TMEM232: variants seen among roughly 807,000 people sequenced by gnomAD.
TMEM232 encodes transmembrane protein 232.
TMEM232 carries 80 observed loss-of-function variants against 78.8 expected under a neutral mutation model. That is an observed-to-expected ratio of 1.01 (90% CI 0.85 to 1.22). TMEM232 has a LOEUF of 1.22. Among genes scored for constraint, TMEM232 ranks in the 50% most tolerant of loss-of-function variants. The pLI is 0.00. For missense variants in TMEM232, 881 were observed against 742.2 expected (o/e 1.19, Z -2.17); for synonymous variants, 297 against 254.3 (o/e 1.17, Z -1.60).
Position 110,640,902 on chromosome 5 carries a change from T to A in TMEM232, c.332A>T (p.Glu111Val), listed in dbSNP as rs1786591431. 1 of 1,530,038 alleles carries A rather than the reference T, an allele frequency of 6.5e-7. No individual in the cohort carries two copies. Among genetic ancestry groups the A allele is most frequent in the Non-Finnish European group, 8.8e-7 (1 of 1,135,730 alleles). The allele number at this position is 1,530,038 out of a possible 1,614,324, so 94.8% of individuals were successfully genotyped here. A position where few individuals can be genotyped will look rare whatever the true frequency, so the allele number is the denominator to read the frequency against. ...TTTAAAGTACGTACCATCTTGGATT[T>A]CCCCTTTGCATTGAGCCAGATATAT... ...EVIYLAQCKG[E>V]IQDESLNMLY... Residue 111 changes from glutamate to valine, a missense_variant, in exon 4 of 14, where the codon GAA becomes GTA. Transcript: ENST00000455884.
intron 11 of TMEM232, among the ~76,000 whole-genome samples, chr5:110,560,519 T>G (rs76828397): frequency 6.6e-6 from 1 of 152,004 alleles, no homozygotes; most frequent in Non-Finnish European, 1.5e-5. Flanking sequence ...ATTTGAGCAA[T>G]AGCAACAAAA....
intron 1 of TMEM232, among the ~76,000 whole-genome samples, chr5:110,697,179 C>G (rs889316038): frequency 3.9e-5 from 6 of 152,010 alleles, no homozygotes; most frequent in Admixed American, 1.3e-4. Flanking sequence ...ACAAACCTGA[C>G]AAAAACAAGA....
intron 1 of TMEM232, among the ~76,000 whole-genome samples, chr5:110,708,394 T>C (rs1361786968): frequency 6.6e-6 from 1 of 152,168 alleles, no homozygotes; most frequent in South Asian, 2.1e-4. Context: ...AGAAATCATG[T>C]GAAGGCACAA....
At chr5:110,453,959 A>G (rs1760599336) in intron 12 of TMEM232, among the ~76,000 whole-genome samples, 1 of 152,236 alleles carries the variant, frequency 6.6e-6, no homozygotes, top group South Asian at 2.1e-4. Flanking sequence ...CTAAGAAAAG[A>G]AAAACATTCT....
chr5:110,695,277 A>G (rs867772077), intron 1 of TMEM232, among the ~76,000 whole-genome samples: 22 of 152,352 alleles, frequency 1.4e-4, no homozygotes, highest in Middle Eastern at 3.4e-3. Context: ...ACAACATACC[A>G]GAATCTCTGG....
intron 10 of TMEM232, among the ~76,000 whole-genome samples, chr5:110,596,665 C>T (rs909872605): frequency 7.2e-5 from 11 of 152,126 alleles, no homozygotes; most frequent in Non-Finnish European, 1.6e-4. Context: ...GCTTATCCAC[C>T]ATGATCAAGT....
chr5:110,541,329 ATT>A (rs1773084708), intron 11 of TMEM232, among the ~76,000 whole-genome samples: 1 of 152,138 alleles, frequency 6.6e-6, no homozygotes, highest in African/African-American at 2.4e-5. Flanking sequence ...CCAGGGGAAT[ATT>A]GGAAATTAGA....
chr5:110,446,067 G>A (rs1480469718), intron 12 of TMEM232, among the ~76,000 whole-genome samples: 1 of 152,144 alleles, frequency 6.6e-6, no homozygotes, highest in Non-Finnish European at 1.5e-5. Flanking sequence ...GCCTTCCATA[G>A]GGGTGAAGCC....
downstream of TMEM232, among the ~76,000 whole-genome samples, chr5:110,419,425 G>A (rs983845951): frequency 6.6e-6 from 1 of 152,030 alleles, no homozygotes; most frequent in Admixed American, 6.6e-5. Context: ...CATAATATAG[G>A]TCACAAACTT....
chr5:110,475,336 A>T (rs1763128290), intron 12 of TMEM232, among the ~76,000 whole-genome samples: 1 of 151,718 alleles, frequency 6.6e-6, no homozygotes, highest in Admixed American at 6.6e-5. Context: ...AAAACTTTTG[A>T]TGCCTATGGA....
intron 1 of TMEM232, among the ~76,000 whole-genome samples, chr5:110,736,620 C>T (rs2077058857): frequency 6.6e-6 from 1 of 152,066 alleles, no homozygotes; most frequent in African/African-American, 2.4e-5. Flanking sequence ...CTCCATTACA[C>T]TATCACTCGA....
intron 2 of TMEM232, among the ~76,000 whole-genome samples, chr5:110,655,838 T>C (rs1232625594): frequency 7.0e-6 from 1 of 142,020 alleles, no homozygotes; most frequent in Admixed American, 7.6e-5. Flanking sequence ...TTCTCACTCA[T>C]AGATGGGAAT....
chr5:110,496,515 T>C (rs1220757761), intron 12 of TMEM232, among the ~76,000 whole-genome samples: 1 of 151,958 alleles, frequency 6.6e-6, no homozygotes, highest in East Asian at 1.9e-4. Flanking sequence ...TGCAGACAAA[T>C]GTGGAATATA....
In TMEM232 at chr5:110,420,566, A is replaced by G. The variant is rs1756525279; in HGVS notation, c.*14T>C. ...GTAGTCCTCAATTTTGGGAGGTGAC[A>G]TTTTCTTTTCTAATTAAATTACTTC... On this transcript the variant is annotated 3_prime_UTR_variant, in exon 14 of 14. Coordinates refer to ENST00000455884, the MANE Select transcript of TMEM232 (RefSeq NM_001039763.4). 1 of 1,439,604 alleles carries G rather than the reference A, an allele frequency of 6.9e-7. No individual in the cohort carries two copies. Among genetic ancestry groups the G allele is most frequent in the East Asian group, 2.8e-5 (1 of 36,114 alleles). The allele number at this position is 1,439,604 out of a possible 1,614,324, so 89.2% of individuals were successfully genotyped here. A position where few individuals can be genotyped will look rare whatever the true frequency, so the allele number is the denominator to read the frequency against.
At chr5:110,718,880 T>C (rs774885818) in intron 1 of TMEM232, among the ~76,000 whole-genome samples, 2 of 152,098 alleles carry the variant, frequency 1.3e-5, no homozygotes, top group African/African-American at 2.4e-5. Flanking sequence ...AAATCTATGA[T>C]TGAGACCCTC....
intron 12 of TMEM232, among the ~76,000 whole-genome samples, chr5:110,477,995 T>G (rs768183409): frequency 4.6e-5 from 7 of 151,932 alleles, no homozygotes; most frequent in Non-Finnish European, 1.0e-4. Context: ...ATGAGAGGAT[T>G]AGAATAGGTG....
At chr5:110,469,275 CA>C (rs1421996778) in intron 12 of TMEM232, among the ~76,000 whole-genome samples, 1 of 152,166 alleles carries the variant, frequency 6.6e-6, no homozygotes, top group Admixed American at 6.5e-5. Flanking sequence ...ATTGAGTAGC[CA>C]TGGAAATCTC....
chr5:110,524,858 C>T (rs1393354775), intron 12 of TMEM232, among the ~76,000 whole-genome samples: 1 of 151,864 alleles, frequency 6.6e-6, no homozygotes, highest in Non-Finnish European at 1.5e-5. Context: ...ATTGTTATAT[C>T]TTTCTAGTTA....
At chr5:110,428,270 T>A (rs1757460809) in intron 12 of TMEM232, among the ~76,000 whole-genome samples, 1 of 151,852 alleles carries the variant, frequency 6.6e-6, no homozygotes, top group African/African-American at 2.4e-5. Flanking sequence ...AAGATAGCCT[T>A]AACATTCCCC....
Sources: allele counts gnomAD v4.1 joint callset (sites outside exome capture counted in the v4.1 genomes callset), GRCh38; gene constraint gnomAD v4.1.1; transcripts MANE v1.5; gene names NCBI Gene and HGNC (gene_info 2026-07-23, HGNC 2026-07-21).